Variants in PALS1 observed in about 807,000 individuals in gnomAD.
The protein encoded by PALS1 is protein PALS1.
A neutral mutation model predicts 78.9 loss-of-function variants in PALS1; 31 were observed. The ratio of observed to expected loss-of-function variants is 0.39; its 90% CI spans 0.30 to 0.53. The LOEUF is 0.53. Ranked by LOEUF, PALS1 falls within the 20% of genes least tolerant of loss-of-function variation. The pLI is 0.67. For synonymous variants in PALS1, 276 were observed against 270.9 expected, an observed-to-expected ratio of 1.02 and a Z score of -0.18; for missense variants, 704 against 826.5, an observed-to-expected ratio of 0.85 and a Z score of 1.82.
At chr14:67,260,224 TC>T (rs1435988343) in intron 1 of PALS1, among the ~76,000 whole-genome samples, 1 of 152,212 alleles carries the variant, frequency 6.6e-6, no homozygotes, top group Non-Finnish European at 1.5e-5. Flanking sequence ...ATGAGGACAT[TC>T]CTCTACGGCC....
At chr14:67,327,432 T>C (rs555356879) in intron 14 of PALS1, among the ~76,000 whole-genome samples, 1 of 152,072 alleles carries the variant, frequency 6.6e-6, no homozygotes, top group South Asian at 2.1e-4. Context: ...GGAGGACGGA[T>C]CACTTTTTTT....
chr14:67,300,253 G>A (rs1011115438), intron 4 of PALS1, among the ~76,000 whole-genome samples: 2 of 151,770 alleles, frequency 1.3e-5, no homozygotes, highest in African/African-American at 4.9e-5. Context: ...CATCTCTTGG[G>A]TTTCATAGGA....
At chr14:67,253,052 A>T (rs1489746270) in intron 1 of PALS1, among the ~76,000 whole-genome samples, 1 of 152,348 alleles carries the variant, frequency 6.6e-6, no homozygotes, top group Admixed American at 6.5e-5. Flanking sequence ...GTGCAGTTAC[A>T]GTACTATCAC....
At chr14:67,245,891 A>C (rs8021798) in intron 1 of PALS1, among the ~76,000 whole-genome samples, 2,695 of 152,072 alleles carry the variant, frequency 0.018, 35 homozygotes, top group Non-Finnish European at 0.027. Context: ...TTTATATTGT[A>C]ATTTTATTTT....
intron 1 of PALS1, among the ~76,000 whole-genome samples, chr14:67,242,577 T>C (rs1834477808): frequency 6.6e-6 from 1 of 152,202 alleles, no homozygotes; most frequent in Admixed American, 6.5e-5. Context: ...CTTTGAAGTA[T>C]TGGTGGTAAT....
chr14:67,245,651 G>A (rs937072693), intron 1 of PALS1, among the ~76,000 whole-genome samples: 8 of 151,982 alleles, frequency 5.3e-5, no homozygotes, highest in Non-Finnish European at 1.2e-4. Flanking sequence ...TGCCCCAAAA[G>A]TTTTATATAG....
At chr14:67,246,733 T>G (rs2083994060) in intron 1 of PALS1, among the ~76,000 whole-genome samples, 3 of 142,638 alleles carry the variant, frequency 2.1e-5, no homozygotes, top group African/African-American at 5.1e-5. Flanking sequence ...TCACTGCAAC[T>G]TCCCGCCTCC....
chr14:67,249,143 G>A (rs1455297294), intron 1 of PALS1, among the ~76,000 whole-genome samples: 1 of 151,632 alleles, frequency 6.6e-6, no homozygotes, highest in Non-Finnish European at 1.5e-5. Context: ...TTGTATTTTT[G>A]TGGAGATGGG....
intron 4 of PALS1, among the ~76,000 whole-genome samples, chr14:67,297,403 G>A (rs760837386): frequency 1.3e-5 from 2 of 151,622 alleles, no homozygotes; most frequent in Non-Finnish European, 2.9e-5. Context: ...GCTATCTCTG[G>A]GTGTTAGATA....
intron 13 of PALS1, among the ~76,000 whole-genome samples, chr14:67,322,917 C>T (rs900040596): frequency 2.6e-5 from 4 of 152,098 alleles, no homozygotes; most frequent in Admixed American, 1.3e-4. Context: ...CAAACATAGT[C>T]TACTTTTTCT....
intron 3 of PALS1, among the ~76,000 whole-genome samples, chr14:67,287,693 C>G (rs1209062760): frequency 1.3e-5 from 2 of 152,116 alleles, no homozygotes; most frequent in Non-Finnish European, 2.9e-5. Flanking sequence ...ATAATTTTAT[C>G]CTAGAAATTT....
intron 14 of PALS1, among the ~76,000 whole-genome samples, chr14:67,328,428 A>G (rs2141039793): frequency 6.6e-6 from 1 of 152,294 alleles, no homozygotes; most frequent in East Asian, 1.9e-4. Flanking sequence ...CCCATTCTGT[A>G]GGTTGCCTAT....
intron 4 of PALS1, among the ~76,000 whole-genome samples, chr14:67,297,584 C>T (rs2140866686): frequency 6.6e-6 from 1 of 152,204 alleles, no homozygotes; most frequent in Non-Finnish European, 1.5e-5. Context: ...ACTTTGATAA[C>T]ATTGTGGAAA....
intron 8 of PALS1, chr14:67,303,912 C>T (rs1305078305): frequency 1.2e-5 from 3 of 246,454 alleles, no homozygotes; most frequent in Middle Eastern, 1.5e-3. Context: ...GGATTCCAGG[C>T]GCATGCCACC....
At chr14:67,314,944 C>CA (rs1054894749) in intron 9 of PALS1, among the ~76,000 whole-genome samples, 8 of 151,990 alleles carry the variant, frequency 5.3e-5, no homozygotes, top group Non-Finnish European at 8.8e-5. Context: ...TTTGTCTCTA[C>CA]AAAAAATTTA....
intron 1 of PALS1, among the ~76,000 whole-genome samples, chr14:67,259,461 A>G (rs1241786647): frequency 6.6e-6 from 1 of 151,906 alleles, no homozygotes; most frequent in Non-Finnish European, 1.5e-5. Context: ...AAATATAAAA[A>G]ATCAGCCGGG....
chr14:67,312,787 C>G, intron 9 of PALS1, 77 bp downstream of exon 9: 4 of 1,122,064 alleles, frequency 3.6e-6, no homozygotes, highest in Non-Finnish European at 3.6e-6. Context: ...GAAAAACTCA[C>G]TCTTTCATGC....
chr14:67,299,837 CAG>C (rs1222805246), intron 4 of PALS1, among the ~76,000 whole-genome samples: 1 of 152,160 alleles, frequency 6.6e-6, no homozygotes, highest in Non-Finnish European at 1.5e-5. Flanking sequence ...TGAGCTGACT[CAG>C]TGTATTTTGT....
chr14:67,323,529 A>G (rs1221403203), intron 13 of PALS1, among the ~76,000 whole-genome samples, 173 bp from the exon 14 acceptor site: 1 of 151,448 alleles, frequency 6.6e-6, no homozygotes, highest in Non-Finnish European at 1.5e-5. Flanking sequence ...ATGAGGGGCC[A>G]CTTGAGTGCA....
Sources: gnomAD v4.1 joint callset for allele counts (sites outside exome capture counted in the v4.1 genomes callset) on GRCh38, gnomAD v4.1.1 for gene constraint, MANE v1.5 for transcripts, NCBI Gene and HGNC (gene_info 2026-07-23, HGNC 2026-07-21) for gene names.